NEGR1: variants seen among roughly 807,000 people sequenced by gnomAD.
NEGR1 encodes the protein IgLON family member 4.
A neutral mutation model predicts 40.9 loss-of-function variants in NEGR1; 10 were observed. That is an observed-to-expected ratio of 0.24 (90% CI 0.15 to 0.42). NEGR1 has a LOEUF of 0.42. Among genes scored for constraint, NEGR1 ranks in the 10% least tolerant of loss-of-function variants. NEGR1 has a pLI of 1.00. For synonymous variants in NEGR1, 185 were observed against 166.8 expected, an observed-to-expected ratio of 1.11 and a Z score of -0.84; for missense variants, 352 against 438.9, an observed-to-expected ratio of 0.80 and a Z score of 1.77.
intron 1 of NEGR1, among the ~76,000 whole-genome samples, chr1:72,214,139 G>T (rs1212192102): frequency 6.6e-6 from 1 of 151,986 alleles, no homozygotes; most frequent in African/African-American, 2.4e-5. Flanking sequence ...AGTAGATTCG[G>T]AAAAAGCCTT....
chr1:71,520,086 T>G (rs922994432), intron 6 of NEGR1, among the ~76,000 whole-genome samples: 1 of 152,090 alleles, frequency 6.6e-6, no homozygotes, highest in Non-Finnish European at 1.5e-5. Context: ...GATGAGAAAC[T>G]GGCTTAATTT....
intron 2 of NEGR1, among the ~76,000 whole-genome samples, chr1:71,787,817 TC>T (rs1435360819): frequency 6.6e-6 from 1 of 152,208 alleles, no homozygotes; most frequent in Non-Finnish European, 1.5e-5. Flanking sequence ...AATCTTGCCA[TC>T]TTTGCCTCAC....
chr1:72,273,144 C>A (rs1655906504), intron 1 of NEGR1, among the ~76,000 whole-genome samples: 1 of 151,942 alleles, frequency 6.6e-6, no homozygotes, highest in African/African-American at 2.4e-5. Context: ...AGTATCAATA[C>A]ACTGTGGTTT....
At chr1:71,934,845 G>A (rs980149666) in intron 2 of NEGR1, among the ~76,000 whole-genome samples, 1 of 151,994 alleles carries the variant, frequency 6.6e-6, no homozygotes, top group Non-Finnish European at 1.5e-5. Context: ...GCGCGTGTGT[G>A]TTTCAACTGA....
chr1:71,590,791 G>C (rs951352859), intron 6 of NEGR1, among the ~76,000 whole-genome samples: 29 of 152,088 alleles, frequency 1.9e-4, no homozygotes, highest in African/African-American at 7.0e-4. Context: ...TGTATCTGTA[G>C]AGGTTACAAG....
chr1:71,560,753 G>A (rs1222929821), intron 6 of NEGR1, among the ~76,000 whole-genome samples: 1 of 151,220 alleles, frequency 6.6e-6, no homozygotes, highest in Non-Finnish European at 1.5e-5. Flanking sequence ...AAGGATGTAT[G>A]ATATCCTTTA....
chr1:71,843,901 T>G (rs955118129), intron 2 of NEGR1, among the ~76,000 whole-genome samples: 3 of 152,154 alleles, frequency 2.0e-5, no homozygotes, highest in African/African-American at 7.2e-5. Flanking sequence ...AATGTAAAGT[T>G]CAAAATTTGT....
intron 2 of NEGR1, among the ~76,000 whole-genome samples, chr1:71,930,854 A>T (rs974458885): frequency 6.6e-6 from 1 of 152,176 alleles, no homozygotes; most frequent in African/African-American, 2.4e-5. Flanking sequence ...TCAGCTGCCC[A>T]TGAGGAGCTC....
At chr1:72,245,082 C>A (rs1444790266) in intron 1 of NEGR1, among the ~76,000 whole-genome samples, 3 of 151,978 alleles carry the variant, frequency 2.0e-5, no homozygotes, top group Non-Finnish European at 4.4e-5. Flanking sequence ...TAAGACAGGA[C>A]AACCGTATTG....
At chr1:72,248,723 C>T (rs1374782163) in intron 1 of NEGR1, among the ~76,000 whole-genome samples, 1 of 150,714 alleles carries the variant, frequency 6.6e-6, no homozygotes, top group Non-Finnish European at 1.5e-5. Flanking sequence ...GCTGGGACTA[C>T]AGGTGAGCAC....
intron 1 of NEGR1, among the ~76,000 whole-genome samples, chr1:72,206,434 AG>A (rs1653401052): frequency 6.6e-6 from 1 of 152,138 alleles, no homozygotes. Flanking sequence ...AATTTTGCAC[AG>A]GATGTTAAAG....
At chr1:72,194,907 C>G (rs1177522989) in intron 1 of NEGR1, among the ~76,000 whole-genome samples, 1 of 152,026 alleles carries the variant, frequency 6.6e-6, no homozygotes, top group African/African-American at 2.4e-5. Flanking sequence ...GGGGATGATG[C>G]CTACTGTGTC....
At chr1:71,726,982 G>A (rs1296739209) in intron 3 of NEGR1, among the ~76,000 whole-genome samples, 3 of 152,046 alleles carry the variant, frequency 2.0e-5, no homozygotes, top group Non-Finnish European at 4.4e-5. Flanking sequence ...AACCCTCTTA[G>A]GTTCAGCAAA....
intron 1 of NEGR1, among the ~76,000 whole-genome samples, chr1:72,081,778 G>A (rs546722618): frequency 2.2e-4 from 34 of 152,070 alleles, no homozygotes; most frequent in East Asian, 1.9e-3. Flanking sequence ...AAAGCAGCTC[G>A]CTTGATTCCT....
chr1:71,766,523 A>G (rs564141460), intron 3 of NEGR1, among the ~76,000 whole-genome samples: 14 of 152,360 alleles, frequency 9.2e-5, no homozygotes, highest in African/African-American at 3.4e-4. Flanking sequence ...ATCAATTAAT[A>G]AAAACCACCA....
At chr1:71,937,289 A>T (rs1478514458) in intron 1 of NEGR1, among the ~76,000 whole-genome samples, 1 of 152,218 alleles carries the variant, frequency 6.6e-6, no homozygotes, top group Non-Finnish European at 1.5e-5. Flanking sequence ...GCATATTGTC[A>T]TTCTTAACAA....
chr1:72,080,407 C>T (rs1457281664), intron 1 of NEGR1, among the ~76,000 whole-genome samples: 3 of 151,896 alleles, frequency 2.0e-5, no homozygotes, highest in East Asian at 1.9e-4. Flanking sequence ...TCTTGGACAA[C>T]ATACAAGATG....
intron 1 of NEGR1, among the ~76,000 whole-genome samples, chr1:72,220,160 T>C (rs762454533): frequency 6.6e-6 from 1 of 151,880 alleles, no homozygotes; most frequent in Non-Finnish European, 1.5e-5. Context: ...CAATTACCAA[T>C]TAAATCTCAG....
intron 1 of NEGR1, among the ~76,000 whole-genome samples, chr1:72,013,286 T>TAATGACATTTCAGGGAGGGAAAAC (rs1646676135): frequency 6.6e-6 from 1 of 152,050 alleles, no homozygotes; most frequent in South Asian, 2.1e-4. Flanking sequence ...CTGTGATAGA[T>TAATGACATTTCAGGGAGGGAAAAC]AATGACATTT....
Sources: gnomAD v4.1 joint callset for allele counts (sites outside exome capture counted in the v4.1 genomes callset) on GRCh38, gnomAD v4.1.1 for gene constraint, MANE v1.5 for transcripts, NCBI Gene and HGNC (gene_info 2026-07-23, HGNC 2026-07-21) for gene names.